MDGA2: variants seen among roughly 807,000 people sequenced by gnomAD.
MDGA2 encodes the protein MAM domain containing glycosylphosphatidylinositol anchor 2.
Under a neutral mutation model 117.8 loss-of-function variants are expected in MDGA2, and 40 were observed. That is an observed-to-expected ratio of 0.34 (90% CI 0.26 to 0.44). The LOEUF (loss-of-function observed/expected upper bound fraction) is 0.44. Ranked by LOEUF, MDGA2 falls within the 20% of genes least tolerant of loss-of-function variation. The pLI is 1.00. For synonymous variants in MDGA2, 452 were observed against 439.0 expected (o/e 1.03, Z -0.37); for missense variants, 1,123 against 1,250.6 (o/e 0.90, Z 1.54).
At chr14:47,377,918 G>A (rs963585487) in intron 1 of MDGA2, among the ~76,000 whole-genome samples, 1 of 152,208 alleles carries the variant, frequency 6.6e-6, no homozygotes, top group African/African-American at 2.4e-5. Context: ...CTCCTCAAGT[G>A]GGTCCCTGAC....
At chr14:47,639,800 A>G (rs959204300) in intron 1 of MDGA2, among the ~76,000 whole-genome samples, 1 of 152,124 alleles carries the variant, frequency 6.6e-6, no homozygotes, top group African/African-American at 2.4e-5. Flanking sequence ...ATAAGACTCC[A>G]CATGTGCCTT....
intron 1 of MDGA2, among the ~76,000 whole-genome samples, chr14:47,394,372 G>A (rs1301232361): frequency 6.6e-6 from 1 of 152,146 alleles, no homozygotes; most frequent in Non-Finnish European, 1.5e-5. Context: ...GAAGGCATCT[G>A]TAACCTAGTG....
intron 1 of MDGA2, among the ~76,000 whole-genome samples, chr14:47,511,080 C>A (rs912011845): frequency 1.2e-4 from 18 of 152,172 alleles, no homozygotes; most frequent in Admixed American, 3.3e-4. Context: ...ACCAACCGAC[C>A]TACACATGTT....
chr14:47,265,650 A>C (rs1183506043), intron 2 of MDGA2, among the ~76,000 whole-genome samples: 1 of 152,008 alleles, frequency 6.6e-6, no homozygotes, highest in Non-Finnish European at 1.5e-5. Context: ...AAAAAAAAAA[A>C]AACTCATTAG....
At chr14:47,205,027 A>G (rs1438034345) in intron 3 of MDGA2, among the ~76,000 whole-genome samples, 1 of 151,890 alleles carries the variant, frequency 6.6e-6, no homozygotes, top group East Asian at 1.9e-4. Context: ...CACATATACT[A>G]GCAAATTTTT....
In MDGA2 at chr14:47,583,600, G is replaced by T. The variant is rs547079653; in HGVS notation, c.280+90917C>A. On this transcript the variant is annotated intron_variant, in intron 1 of 16. Coordinates refer to ENST00000399232, the MANE Select transcript of MDGA2 (RefSeq NM_001113498.3). The stretch of plus-strand genomic sequence containing the variant: ...ATTATCTGCCTTTAACTTTCTGGAG[G>T]ATGGAGAAAATGATAAATTTTACAT... 1.6e-4 allele frequency among the ~76,000 whole-genome samples: 24 copies of T among 151,864 alleles called. 1 individual carries two copies. The South Asian group carries it at 4.6e-3, about 29-fold the overall frequency.
Position 46,970,097 on chromosome 14 carries a change from T to C in MDGA2, c.1820-12454A>G, listed in dbSNP as rs974213998. Among the ~76,000 whole-genome samples, 11 of 151,436 alleles carry C rather than the reference T, an allele frequency of 7.3e-5. No individual in the cohort carries two copies. The East Asian group carries it at 2.2e-3, about 30-fold the overall frequency. On this transcript the variant is annotated intron_variant, in intron 8 of 16. Transcript: ENST00000399232. ...ATTCCATTTTCATGAATAAGAAGAATTGATGTCATTAAAATGATTCTACTG... is the reference window on the plus strand; with the variant it reads ...ATTCCATTTTCATGAATAAGAAGAACTGATGTCATTAAAATGATTCTACTG...
chr14:46,852,562 C>G (rs1881102829), intron 15 of MDGA2, among the ~76,000 whole-genome samples: 2 of 151,784 alleles, frequency 1.3e-5, no homozygotes, highest in Admixed American at 1.3e-4. Flanking sequence ...CAGCAGAGTA[C>G]TGATCAGGAC....
chr14:47,384,985 A>G (rs1037308116), intron 1 of MDGA2, among the ~76,000 whole-genome samples: 6 of 152,052 alleles, frequency 3.9e-5, no homozygotes, highest in African/African-American at 2.4e-5. Flanking sequence ...GGGAGCAAAC[A>G]TTTTTCTTGA....
intron 1 of MDGA2, among the ~76,000 whole-genome samples, chr14:47,652,807 T>C (rs776343248): frequency 9.9e-5 from 15 of 152,254 alleles, no homozygotes; most frequent in Non-Finnish European, 2.2e-4. Flanking sequence ...TGATAATTAA[T>C]AGTGGAAAGA....
intron 9 of MDGA2, among the ~76,000 whole-genome samples, chr14:46,933,384 T>A (rs1884652944): frequency 6.6e-6 from 1 of 152,048 alleles, no homozygotes; most frequent in Non-Finnish European, 1.5e-5. Context: ...AAGTACTTTA[T>A]GAATTGGGCT....
intron 1 of MDGA2, among the ~76,000 whole-genome samples, chr14:47,439,728 G>T (rs1326644952): frequency 6.6e-6 from 1 of 151,592 alleles, no homozygotes; most frequent in Admixed American, 6.6e-5. Context: ...TGTATGTATA[G>T]TCTAAATATT....
chr14:47,100,418 G>A (rs750537406), intron 5 of MDGA2, among the ~76,000 whole-genome samples: 4 of 151,998 alleles, frequency 2.6e-5, no homozygotes, highest in South Asian at 2.1e-4. Context: ...TTTAGCATAC[G>A]TCTACAGCAT....
intron 6 of MDGA2, among the ~76,000 whole-genome samples, chr14:47,089,410 C>G (rs1029956983): frequency 6.6e-6 from 1 of 152,052 alleles, no homozygotes; most frequent in African/African-American, 2.4e-5. Context: ...TAGTCTCACT[C>G]TGTCTCCCAG....
intron 1 of MDGA2, among the ~76,000 whole-genome samples, chr14:47,670,143 T>C (rs947573895): frequency 2.6e-5 from 4 of 152,226 alleles, no homozygotes; most frequent in African/African-American, 4.8e-5. Context: ...TGAGTTAATA[T>C]AGCTTGCTAA....
chr14:47,628,457 C>T (rs551196149), intron 1 of MDGA2, among the ~76,000 whole-genome samples: 2 of 152,134 alleles, frequency 1.3e-5, no homozygotes, highest in Non-Finnish European at 2.9e-5. Flanking sequence ...AATTTAAAGT[C>T]TGTTTCATTA....
At chr14:47,429,568 C>G (rs1474557947) in intron 1 of MDGA2, among the ~76,000 whole-genome samples, 1 of 152,100 alleles carries the variant, frequency 6.6e-6, no homozygotes, top group Non-Finnish European at 1.5e-5. Context: ...TGCATTGTGA[C>G]TTATCAAATG....
At chr14:46,957,904 C>A (rs1253490393) in intron 8 of MDGA2, among the ~76,000 whole-genome samples, 1 of 152,086 alleles carries the variant, frequency 6.6e-6, no homozygotes, top group African/African-American at 2.4e-5. Flanking sequence ...ATCCTTCGTA[C>A]CTCTTTCAGC....
intron 2 of MDGA2, among the ~76,000 whole-genome samples, chr14:47,226,759 T>C (rs1057008153): frequency 6.6e-6 from 1 of 152,122 alleles, no homozygotes; most frequent in Non-Finnish European, 1.5e-5. Context: ...CAGAATTCGG[T>C]CTCTTTAAAA....
Sources: allele counts gnomAD v4.1 joint callset (sites outside exome capture counted in the v4.1 genomes callset), GRCh38; gene constraint gnomAD v4.1.1; transcripts MANE v1.5; gene names NCBI Gene and HGNC (gene_info 2026-07-23, HGNC 2026-07-21).